Variants in MRRF observed in about 807,000 individuals in gnomAD.
The protein encoded by MRRF is mitochondrial ribosome recycling factor.
In MRRF, 18 loss-of-function variants were observed where a neutral mutation model predicts 25.1. That is an observed-to-expected ratio of 0.72 (90% CI 0.50 to 1.06). The LOEUF (loss-of-function observed/expected upper bound fraction) is 1.06. MRRF is among the 50% of genes least tolerant of loss of function. MRRF has a pLI of 0.00. For missense variants in MRRF, 323 were observed against 319.3 expected, an observed-to-expected ratio of 1.01 and a Z score of -0.09; for synonymous variants, 113 against 112.1, an observed-to-expected ratio of 1.01 and a Z score of -0.05.
intron 1 of MRRF, chr9:122,265,893 T>A: frequency 1.9e-6 from 1 of 521,678 alleles, no homozygotes; most frequent in Non-Finnish European, 3.4e-6. Context: ...ATTCTGTGTA[T>A]AGTCAGATAC....
At chr9:122,293,869 G>A (rs1420174450) in intron 5 of MRRF, among the ~76,000 whole-genome samples, 1 of 152,172 alleles carries the variant, frequency 6.6e-6, no homozygotes, top group African/African-American at 2.4e-5. Context: ...GATGAAAAAT[G>A]TGAAGTTCAG....
chr9:122,310,899 A>C (rs189681539), intron 5 of MRRF, among the ~76,000 whole-genome samples: 6 of 152,376 alleles, frequency 3.9e-5, no homozygotes, highest in Admixed American at 3.9e-4. Flanking sequence ...AAATATTTCC[A>C]TAATAAAATA....
At chr9:122,311,727 C>A (rs1405624401) in intron 5 of MRRF, among the ~76,000 whole-genome samples, 1 of 151,922 alleles carries the variant, frequency 6.6e-6, no homozygotes. Context: ...CAGTGAGATA[C>A]CTATTTGAAA....
chr9:122,302,360 C>G (rs1303763512), intron 5 of MRRF, among the ~76,000 whole-genome samples: 2 of 152,188 alleles, frequency 1.3e-5, no homozygotes, highest in African/African-American at 2.4e-5. Flanking sequence ...ACCGCAGAAC[C>G]TTCTCCTAGG....
At chr9:122,280,772 G>A (rs745568036) in intron 3 of MRRF, among the ~76,000 whole-genome samples, 174 bp downstream of exon 3, 1 of 152,284 alleles carries the variant, frequency 6.6e-6, no homozygotes, top group Middle Eastern at 3.4e-3. Flanking sequence ...CTTTGGGGTG[G>A]TAGTTAAAAT....
At chr9:122,291,222 T>C (rs191051664) in intron 4 of MRRF, among the ~76,000 whole-genome samples, 28 of 152,336 alleles carry the variant, frequency 1.8e-4, no homozygotes, top group Non-Finnish European at 5.9e-5. Flanking sequence ...TATACCACAC[T>C]ACCTTTGCGG....
intron 4 of MRRF, among the ~76,000 whole-genome samples, chr9:122,287,059 T>C (rs757662814): frequency 8.5e-5 from 13 of 152,232 alleles, no homozygotes; most frequent in Non-Finnish European, 1.3e-4. Flanking sequence ...TTGCTACTTA[T>C]ATTTTGGATC....
Position 122,270,993 on chromosome 9 carries a change from G to T in MRRF, c.102G>T (p.Val34=). ...RPVSEVTLKT[V]HERQHGHRQY... ...TTTCAGAAGTTACACTGAAGACAGT[G>T]CATGAAAGACAACATGGCCATAGGC... is the stretch of plus-strand genomic sequence containing the variant. Residue 34 remains valine, a synonymous_variant, in exon 2 of 7, where the codon GTG becomes GTT. Transcript: ENST00000344641. 6.2e-7 allele frequency: 1 copy of T among 1,614,194 alleles called. No individual in the cohort carries two copies. The highest frequency in any genetic ancestry group is 8.5e-7 in the Non-Finnish European group (1 of 1,180,036).
intron 5 of MRRF, among the ~76,000 whole-genome samples, chr9:122,310,273 T>C (rs1301265549): frequency 1.3e-5 from 2 of 152,206 alleles, no homozygotes; most frequent in Non-Finnish European, 2.9e-5. Flanking sequence ...AGCCCACCGC[T>C]CCTCCTCATC....
chr9:122,329,940 G>C lies in MRRF; in HGVS notation c.*7323G>C, dbSNP rs1836240588. 1.3e-5 allele frequency: 2 copies of C among 152,276 alleles called. No individual in the cohort carries two copies. The highest frequency in any genetic ancestry group is 4.1e-4 in the South Asian group (2 of 4,836). The allele number at this position is 152,276 out of a possible 1,614,324, so 9.4% of individuals were successfully genotyped here. On this transcript the variant is annotated 3_prime_UTR_variant, in exon 7 of 7. Transcript: ENST00000344641. ...AATTCTAAGGGGCCTGCCAGGCCTT[G>C]ATACAAATGGCGTCACATTTACATG...
At chr9:122,270,779 T>C in intron 1 of MRRF, 85 bp from the exon 2 acceptor site, 1 of 1,009,440 alleles carries the variant, frequency 9.9e-7, no homozygotes, top group Non-Finnish European at 1.6e-6. Context: ...AGGAGTTGCT[T>C]GATAATTGGT....
chr9:122,280,487 G>T lies in MRRF; in HGVS notation c.229G>T (p.Ala77Ser). ...CCAAACCAGAGTGAATATTAATGCT[G>T]CCTTGGTTGAGGATATAATCAACTT... is the stretch of plus-strand genomic sequence containing the variant. ...QSQTRVNINA[A>S]LVEDIINLEE... Residue 77 changes from alanine to serine, a missense_variant, in exon 3 of 7, where the codon GCC becomes TCC. Coordinates refer to ENST00000344641, the MANE Select transcript of MRRF (RefSeq NM_138777.5). 6.2e-7 allele frequency: 1 copy of T among 1,614,088 alleles called. No individual in the cohort carries two copies. The highest frequency in any genetic ancestry group is 8.5e-7 in the Non-Finnish European group (1 of 1,179,958).
chr9:122,271,416 G>A (rs1215738614), intron 2 of MRRF, among the ~76,000 whole-genome samples: 1 of 152,218 alleles, frequency 6.6e-6, no homozygotes, highest in Admixed American at 6.5e-5. Context: ...ATAGGAAGAT[G>A]CATGTTGGAA....
At chr9:122,290,321 G>A (rs1220833368) in intron 4 of MRRF, among the ~76,000 whole-genome samples, 1 of 152,130 alleles carries the variant, frequency 6.6e-6, no homozygotes, top group African/African-American at 2.4e-5. Flanking sequence ...TTCACATAAT[G>A]AAGAGACTTG....
intron 5 of MRRF, among the ~76,000 whole-genome samples, chr9:122,310,703 T>C (rs1169963549): frequency 6.6e-6 from 1 of 152,184 alleles, no homozygotes; most frequent in Non-Finnish European, 1.5e-5. Context: ...GCCCAAGAAC[T>C]GGCACAGAGC....
intron 4 of MRRF, chr9:122,285,706 G>A (rs1833352411): frequency 8.6e-7 from 1 of 1,167,118 alleles, no homozygotes; most frequent in African/African-American, 1.6e-5. Flanking sequence ...TCCAGAAGAA[G>A]CTAGTAACAC....
chr9:122,275,408 G>A (rs974541630), intron 2 of MRRF, among the ~76,000 whole-genome samples: 2 of 152,096 alleles, frequency 1.3e-5, no homozygotes, highest in Admixed American at 1.3e-4. Flanking sequence ...CGAGGCGGGT[G>A]GATCACTTGA....
intron 5 of MRRF, among the ~76,000 whole-genome samples, chr9:122,309,155 T>C (rs1346426642): frequency 6.6e-6 from 1 of 152,248 alleles, no homozygotes; most frequent in Admixed American, 6.5e-5. Context: ...TCTGTGAGTC[T>C]GGCATATTTC....
At chr9:122,306,100 G>A (rs1312908742) in intron 5 of MRRF, among the ~76,000 whole-genome samples, 1 of 152,040 alleles carries the variant, frequency 6.6e-6, no homozygotes, top group Non-Finnish European at 1.5e-5. Flanking sequence ...CCAGAGCCTG[G>A]GCTTGTAGCC....
Sources: allele counts gnomAD v4.1 joint callset (sites outside exome capture counted in the v4.1 genomes callset), GRCh38; gene constraint gnomAD v4.1.1; transcripts MANE v1.5; gene names NCBI Gene and HGNC (gene_info 2026-07-23, HGNC 2026-07-21).